SCAPER: variants seen among roughly 807,000 people sequenced by gnomAD.
SCAPER encodes S-phase cyclin A associated protein in the ER.
Under a neutral mutation model 182.2 loss-of-function variants are expected in SCAPER, and 98 were observed. The observed-to-expected ratio is 0.54, with a 90% CI of 0.46 to 0.64. The LOEUF (loss-of-function observed/expected upper bound fraction) is 0.64. Ranked by LOEUF, SCAPER falls within the 30% of genes least tolerant of loss-of-function variation. The pLI, the probability that SCAPER is intolerant of heterozygous loss-of-function variation, is 0.00. For synonymous variants in SCAPER, 605 were observed against 564.6 expected, an observed-to-expected ratio of 1.07 and a Z score of -1.01; for missense variants, 1,432 against 1,690.0, an observed-to-expected ratio of 0.85 and a Z score of 2.68.
chr15:76,772,017 G>A, intron 9 of SCAPER, 63 bp from the exon 10 acceptor site: 1 of 1,280,218 alleles, frequency 7.8e-7, no homozygotes, highest in Non-Finnish European at 1.1e-6. Context: ...CACTTTAGAA[G>A]AAGAGATGAT....
At chr15:76,496,523 G>C (rs1362396977) in intron 24 of SCAPER, among the ~76,000 whole-genome samples, 2 of 152,124 alleles carry the variant, frequency 1.3e-5, no homozygotes, top group African/African-American at 4.8e-5. Context: ...CTTTGATTCT[G>C]AAGATAAGCT....
intron 27 of SCAPER, among the ~76,000 whole-genome samples, chr15:76,387,643 A>C (rs2043373277): frequency 6.6e-6 from 1 of 152,236 alleles, no homozygotes; most frequent in Admixed American, 6.5e-5. Context: ...AAACTAAAAA[A>C]TAGTCACCAG....
chr15:76,364,241 C>T (rs568970797), intron 29 of SCAPER, among the ~76,000 whole-genome samples: 2 of 152,260 alleles, frequency 1.3e-5, no homozygotes, highest in South Asian at 4.1e-4. Flanking sequence ...AGATTAAGTA[C>T]AGCAGCCTTG....
intron 17 of SCAPER, 96 bp from the exon 18 acceptor site, chr15:76,706,080 T>C: frequency 1.3e-6 from 1 of 792,204 alleles, no homozygotes; most frequent in South Asian, 2.4e-5. Flanking sequence ...GGTCATATAG[T>C]CTAAAGGGCT....
chr15:76,903,169 T>A (rs1595979818), intron 1 of SCAPER, among the ~76,000 whole-genome samples: 1 of 152,254 alleles, frequency 6.6e-6, no homozygotes, highest in East Asian at 1.9e-4. Context: ...GACCTTAATA[T>A]CAATCTTTTA....
chr15:76,362,124 C>G (rs990472061), intron 29 of SCAPER, among the ~76,000 whole-genome samples: 4 of 151,978 alleles, frequency 2.6e-5, no homozygotes, highest in African/African-American at 9.7e-5. Context: ...AGGCACCCAC[C>G]ACCATACCCA....
At chr15:76,508,146 T>C (rs1046164869) in intron 23 of SCAPER, among the ~76,000 whole-genome samples, 2 of 152,202 alleles carry the variant, frequency 1.3e-5, no homozygotes, top group African/African-American at 4.8e-5. Context: ...TCATTTTGCC[T>C]TCTTTTCATA....
At chr15:76,816,077 G>A (rs747111147) in intron 5 of SCAPER, among the ~76,000 whole-genome samples, 2 of 152,186 alleles carry the variant, frequency 1.3e-5, no homozygotes, top group Admixed American at 6.5e-5. Context: ...GAGGGTGAGG[G>A]AGGGAGTAAA....
chr15:76,697,474 T>A (rs946932609), intron 20 of SCAPER, among the ~76,000 whole-genome samples: 2 of 152,234 alleles, frequency 1.3e-5, no homozygotes, highest in Admixed American at 6.5e-5. Context: ...CACATTTTTC[T>A]TCCGAAGTGC....
intron 3 of SCAPER, among the ~76,000 whole-genome samples, chr15:76,860,158 A>G (rs996917095): frequency 6.6e-6 from 1 of 152,200 alleles, no homozygotes; most frequent in Non-Finnish European, 1.5e-5. Context: ...TTTTGAATAG[A>G]AACAACTTTA....
chr15:76,757,658 A>C (rs1185755781), intron 14 of SCAPER, among the ~76,000 whole-genome samples: 1 of 152,118 alleles, frequency 6.6e-6, no homozygotes, highest in African/African-American at 2.4e-5. Flanking sequence ...GACAGGCTCT[A>C]TTTTAATTTT....
chr15:76,578,946 C>G (rs2048055039), intron 22 of SCAPER, among the ~76,000 whole-genome samples: 1 of 152,084 alleles, frequency 6.6e-6, no homozygotes, highest in Admixed American at 6.5e-5. Flanking sequence ...AACTCAAATT[C>G]AAGATAACAC....
intron 23 of SCAPER, among the ~76,000 whole-genome samples, chr15:76,550,673 G>T (rs913703366): frequency 7.2e-5 from 11 of 152,076 alleles, no homozygotes; most frequent in African/African-American, 2.7e-4. Flanking sequence ...ATGTATCTTT[G>T]TAACAGAATG....
intron 23 of SCAPER, 124 bp downstream of exon 23, chr15:76,574,034 T>G (rs2047642981): frequency 5.5e-6 from 5 of 913,462 alleles, no homozygotes; most frequent in Non-Finnish European, 7.2e-6. Flanking sequence ...TCATCTATTA[T>G]TGACTAGCTT....
chr15:76,635,607 T>G (rs976801078), intron 21 of SCAPER, among the ~76,000 whole-genome samples: 1 of 152,208 alleles, frequency 6.6e-6, no homozygotes. Context: ...AGGCGAGAAG[T>G]GGCAAGAGTG....
At chr15:76,452,568 G>A (rs1227444819) in intron 25 of SCAPER, among the ~76,000 whole-genome samples, 1 of 152,186 alleles carries the variant, frequency 6.6e-6, no homozygotes, top group African/African-American at 2.4e-5. Context: ...TACTATGAAA[G>A]CTTCACTTTC....
At chr15:76,758,302 T>A (rs1292020431) in intron 14 of SCAPER, among the ~76,000 whole-genome samples, 1 of 152,188 alleles carries the variant, frequency 6.6e-6, no homozygotes, top group Non-Finnish European at 1.5e-5. Context: ...CTTTTTCACG[T>A]GGATACCCAG....
chr15:76,430,395 CA>C (rs1256706590), intron 26 of SCAPER, among the ~76,000 whole-genome samples: 1 of 152,232 alleles, frequency 6.6e-6, no homozygotes, highest in Non-Finnish European at 1.5e-5. Flanking sequence ...AAACTGCAGA[CA>C]CTCAATGCCA....
At chr15:76,768,779 G>A (rs2063263469) in intron 10 of SCAPER, among the ~76,000 whole-genome samples, 1 of 149,542 alleles carries the variant, frequency 6.7e-6, no homozygotes, top group Admixed American at 6.7e-5. Flanking sequence ...CAAGGATATA[G>A]AAGACCTGAA....
Sources: gnomAD v4.1 joint callset for allele counts (sites outside exome capture counted in the v4.1 genomes callset) on GRCh38, gnomAD v4.1.1 for gene constraint, MANE v1.5 for transcripts, NCBI Gene and HGNC (gene_info 2026-07-23, HGNC 2026-07-21) for gene names.